RABEPK: variants seen among roughly 807,000 people sequenced by gnomAD.
RABEPK encodes Rab9 effector protein with kelch motifs, also known as 40 kDa Rab9 effector protein.
In RABEPK, 27 loss-of-function variants were observed where a neutral mutation model predicts 34.1. That is an observed-to-expected ratio of 0.79 (90% CI 0.58 to 1.09). RABEPK has a LOEUF of 1.09. RABEPK is among the 50% of genes least tolerant of loss of function. The pLI, the probability that RABEPK is intolerant of heterozygous loss-of-function variation, is 0.00. For missense variants in RABEPK, 449 were observed against 462.6 expected, an observed-to-expected ratio of 0.97 and a Z score of 0.27; for synonymous variants, 172 against 169.2, an observed-to-expected ratio of 1.02 and a Z score of -0.13.
chr9:125,213,373 A>G lies in RABEPK; in HGVS notation c.215A>G (p.Lys72Arg), dbSNP rs1830711221. 6.2e-7 allele frequency: 1 copy of G among 1,608,470 alleles called. No individual in the cohort carries two copies. Among genetic ancestry groups the G allele is most frequent in the Non-Finnish European group, 8.5e-7 (1 of 1,178,518 alleles). ...FSDVHTMDLG[K>R]HQWDLDTCKG... ...AACTGGGTGAAATGTTTTCCAGGAAAACACCAGTGGGACTTAGATACCTGC... is the reference window on the plus strand; with the variant it reads ...AACTGGGTGAAATGTTTTCCAGGAAGACACCAGTGGGACTTAGATACCTGC... The change falls in exon 4 of 8, where the codon AAA becomes AGA. Residue 72 changes from lysine to arginine, a missense_variant. Lys to Arg is a conservative substitution (Grantham distance 26). Coordinates refer to ENST00000373538, the MANE Select transcript of RABEPK (RefSeq NM_005833.4).
intron 3 of RABEPK, among the ~76,000 whole-genome samples, chr9:125,212,085 C>T (rs1830626372): frequency 6.6e-6 from 1 of 152,176 alleles, no homozygotes; most frequent in African/African-American, 2.4e-5. Flanking sequence ...CTGGCTACAC[C>T]ATCTCAACCA....
intron 4 of RABEPK, among the ~76,000 whole-genome samples, chr9:125,214,792 CT>C (rs34203731): frequency 3.7e-4 from 52 of 138,878 alleles, no homozygotes; most frequent in Non-Finnish European, 3.7e-4. Flanking sequence ...AATTTTCTGT[CT>C]TTTTTTTTTT....
chr9:125,225,530 GAA>G (rs971647321), intron 5 of RABEPK, among the ~76,000 whole-genome samples: 1 of 150,942 alleles, frequency 6.6e-6, no homozygotes, highest in Non-Finnish European at 1.5e-5. Flanking sequence ...CTACAAATAT[GAA>G]AAAATTTAGG....
Position 125,234,104 on chromosome 9 carries a change from A to G in RABEPK, c.*124A>G. The G allele has an allele frequency of 9.7e-7, 1 of 1,026,724 alleles. No homozygotes were observed. The highest frequency in any genetic ancestry group is 1.6e-5 in the African/African-American group (1 of 62,002). 63.6% of individuals were successfully genotyped at this position (1,026,724 alleles called of 1,614,324 possible). On this transcript the variant is annotated 3_prime_UTR_variant, in exon 8 of 8. Coordinates refer to ENST00000373538, the MANE Select transcript of RABEPK (RefSeq NM_005833.4). ...TGTTTTTCTCCTACTTTGGTAGGTG[A>G]AGAAACTAATGCAAATAATTCTTAT...
intron 3 of RABEPK, among the ~76,000 whole-genome samples, chr9:125,211,051 G>A (rs529033955): frequency 1.3e-5 from 2 of 150,340 alleles, no homozygotes; most frequent in African/African-American, 2.4e-5. Flanking sequence ...TGGCTAACAC[G>A]GTGAAAACCC....
intron 4 of RABEPK, among the ~76,000 whole-genome samples, chr9:125,219,199 C>CTTTTT (rs1297507989): frequency 1.0e-5 from 1 of 96,292 alleles, no homozygotes; most frequent in African/African-American, 3.8e-5. Context: ...TTCTTTCTTT[C>CTTTTT]TTTTTTTTTT....
At chr9:125,223,235 T>C (rs1334339546) in intron 5 of RABEPK, among the ~76,000 whole-genome samples, 1 of 151,750 alleles carries the variant, frequency 6.6e-6, no homozygotes, top group African/African-American at 2.4e-5. Flanking sequence ...TTACCTGAGG[T>C]CAGGTAATCC....
chr9:125,219,311 C>T lies in RABEPK; in HGVS notation c.365-1228C>T, dbSNP rs926120772. On this transcript the variant is annotated intron_variant, in intron 4 of 7. Coordinates refer to ENST00000373538, the MANE Select transcript of RABEPK (RefSeq NM_005833.4). The stretch of plus-strand genomic sequence containing the variant: ...TCCTGGGCTCAAGCAATCCTCCTGC[C>T]TTGGCTTCCCAAAGTGCTAGGGTTA... 2.0e-5 allele frequency among the ~76,000 whole-genome samples: 3 copies of T among 151,216 alleles called. No homozygotes were observed. The East Asian group carries it at 5.8e-4, about 29-fold the overall frequency.
intron 3 of RABEPK, among the ~76,000 whole-genome samples, chr9:125,211,968 C>T (rs892224357): frequency 4.6e-4 from 63 of 136,408 alleles, no homozygotes; most frequent in African/African-American, 1.6e-3. Flanking sequence ...GACTCCATCT[C>T]AAAAAAAAAA....
intron 5 of RABEPK, among the ~76,000 whole-genome samples, chr9:125,225,139 C>T (rs1831643006): frequency 6.6e-6 from 1 of 151,988 alleles, no homozygotes; most frequent in South Asian, 2.1e-4. Flanking sequence ...AATCCCAGCA[C>T]TTTGGGAGGC....
chr9:125,202,311 A>G (rs927813396), intron 1 of RABEPK, among the ~76,000 whole-genome samples: 7 of 150,784 alleles, frequency 4.6e-5, no homozygotes, highest in African/African-American at 7.3e-5. Context: ...ACCTGAGGTC[A>G]GGAGTTAGTG....
At chr9:125,206,509 A>AG (rs1830236360) in intron 2 of RABEPK, among the ~76,000 whole-genome samples, 1 of 139,298 alleles carries the variant, frequency 7.2e-6, no homozygotes, top group African/African-American at 2.6e-5. Context: ...AAAAAAAAAA[A>AG]GAGAGAGAGA....
At chr9:125,225,551 A>C (rs2131419863) in intron 5 of RABEPK, among the ~76,000 whole-genome samples, 1 of 152,102 alleles carries the variant, frequency 6.6e-6, no homozygotes, top group East Asian at 1.9e-4. Flanking sequence ...GGATGGGCGC[A>C]GTGGCTCATG....
In RABEPK at chr9:125,207,698, C is replaced by G. The variant is rs760164520; in HGVS notation, c.188C>G (p.Ser63Ter). 9.9e-6 allele frequency: 16 copies of G among 1,614,022 alleles called. No homozygotes were observed. The highest frequency in any genetic ancestry group is 1.4e-5 in the Non-Finnish European group (16 of 1,180,018). ...VGGANPNRSFSDVHTMDLGKH... is the reference protein window; with the variant it reads ...VGGANPNRSF ...GGAGCAAATCCAAACAGAAGCTTCT[C>G]AGACGTGCACACCATGGATCTGGGT... Residue 63 changes from serine to a stop codon, truncating the protein, a stop_gained, in exon 3 of 8, where the codon TCA becomes TGA. Coordinates refer to ENST00000373538, the MANE Select transcript of RABEPK (RefSeq NM_005833.4). LOFTEE classifies it high-confidence loss of function.
intron 6 of RABEPK, among the ~76,000 whole-genome samples, chr9:125,232,250 A>G (rs998038747): frequency 3.2e-4 from 18 of 56,962 alleles, no homozygotes; most frequent in African/African-American, 1.1e-3. Context: ...ACACACAGAG[A>G]CAGAGAGAGA....
chr9:125,221,786 C>T (rs1277448458), intron 5 of RABEPK: 2 of 151,752 alleles, frequency 1.3e-5, no homozygotes, highest in African/African-American at 4.8e-5. Context: ...AGCGATTCTC[C>T]TGCCTCGGCC....
intron 4 of RABEPK, among the ~76,000 whole-genome samples, chr9:125,217,838 T>C (rs1345355807): frequency 6.6e-6 from 1 of 152,148 alleles, no homozygotes; most frequent in Non-Finnish European, 1.5e-5. Flanking sequence ...TCTGTAACTA[T>C]AGAGACAGCT....
chr9:125,232,979 G>A (rs971395024), intron 7 of RABEPK, among the ~76,000 whole-genome samples: 3 of 151,838 alleles, frequency 2.0e-5, no homozygotes, highest in Non-Finnish European at 4.4e-5. Context: ...GGGAGGCTGA[G>A]GCAGGGGAAT....
chr9:125,234,093 T>G lies in RABEPK; in HGVS notation c.*113T>G, dbSNP rs1488012941. ...CATTATATATCTGTTTTTCTCCTAC[T>G]TTGGTAGGTGAAGAAACTAATGCAA... On this transcript the variant is annotated 3_prime_UTR_variant, in exon 8 of 8. Transcript: ENST00000373538. 1.8e-6 allele frequency: 2 copies of G among 1,122,738 alleles called. No individual in the cohort carries two copies. Among genetic ancestry groups the G allele is most frequent in the Non-Finnish European group, 2.6e-6 (2 of 777,950 alleles). 69.5% of individuals were successfully genotyped at this position (1,122,738 alleles called of 1,614,324 possible). A position where few individuals can be genotyped will look rare whatever the true frequency, so the allele number is the denominator to read the frequency against.
Sources: allele counts gnomAD v4.1 joint callset (sites outside exome capture counted in the v4.1 genomes callset), GRCh38; gene constraint gnomAD v4.1.1; transcripts MANE v1.5; gene names NCBI Gene and HGNC (gene_info 2026-07-23, HGNC 2026-07-21).